The following MYO18A variants were observed in gnomAD, a reference collection of about 807,000 sequenced individuals.
MYO18A encodes unconventional myosin-XVIIIa.
MYO18A carries 78 observed loss-of-function variants against 235.8 expected under a neutral mutation model. The ratio of observed to expected loss-of-function variants is 0.33; its 90% CI spans 0.28 to 0.40. The LOEUF is 0.40. Among genes scored for constraint, MYO18A ranks in the 10% least tolerant of loss-of-function variants. The pLI is 1.00. For synonymous variants in MYO18A, 977 were observed against 1,077.8 expected, an observed-to-expected ratio of 0.91 and a Z score of 1.83; for missense variants, 2,215 against 2,699.3, an observed-to-expected ratio of 0.82 and a Z score of 3.98.
At chr17:29,155,746 C>T (rs1227829778) in intron 2 of MYO18A, among the ~76,000 whole-genome samples, 2 of 152,190 alleles carry the variant, frequency 1.3e-5, no homozygotes, top group African/African-American at 2.4e-5. Context: ...GAATCCGAGG[C>T]GGCTCCCCTC....
At chr17:29,124,966 G>A (rs1426513263) in intron 2 of MYO18A, among the ~76,000 whole-genome samples, 2 of 152,152 alleles carry the variant, frequency 1.3e-5, no homozygotes, top group East Asian at 1.9e-4. Flanking sequence ...CCGGTGGCCC[G>A]GGCAGGAGTC....
intron 2 of MYO18A, among the ~76,000 whole-genome samples, chr17:29,156,357 C>T (rs1210408155): frequency 6.6e-6 from 1 of 152,154 alleles, no homozygotes; most frequent in Non-Finnish European, 1.5e-5. Context: ...CATGTGGGCT[C>T]CTGTGTGGGG....
chr17:29,093,343 G>A lies in MYO18A; in HGVS notation c.4906C>T (p.Leu1636Phe), dbSNP rs2066445981. ...CTGACCTGGTCGCTGAGGGTGGCGA[G>A]CTTGCCCTCCAGCTCCCGCTTCTCT... ...LREKRELEGK[L>F]ATLSDQVNRR... Residue 1636 changes from leucine to phenylalanine, a missense_variant, in exon 32 of 42, where the codon CTC (leucine) becomes TTC (phenylalanine). Leu to Phe is a conservative substitution (Grantham distance 22, BLOSUM62 0). Transcript: ENST00000527372. 2 of 1,612,168 alleles carry A rather than the reference G, an allele frequency of 1.2e-6. No homozygotes were observed. Among genetic ancestry groups the A allele is most frequent in the East Asian group, 4.5e-5 (2 of 44,768 alleles).
intron 12 of MYO18A, 77 bp from the exon 13 acceptor site, chr17:29,115,518 G>GCCCAGT: frequency 6.5e-7 from 1 of 1,529,290 alleles, no homozygotes; most frequent in Non-Finnish European, 8.9e-7. Context: ...CCTGCCCAGG[G>GCCCAGT]CCCAGTCAGC....
chr17:29,143,822 C>T (rs950270659), intron 2 of MYO18A, among the ~76,000 whole-genome samples: 2 of 152,212 alleles, frequency 1.3e-5, no homozygotes, highest in South Asian at 2.1e-4. Flanking sequence ...CTGAAGGGCA[C>T]GCCATCTCCA....
In MYO18A at chr17:29,166,582, C is replaced by T; in HGVS notation, c.359G>A (p.Arg120Gln). The part of the protein sequence containing the change: ...EGSFRGSVLQ[R>Q]AAKFGSLAKQ... Reference sequence around the variant, plus strand: ...GGCCAGTGAGCCGAACTTGGCTGCCCGCTGCAGCACCGAGCCACGGAAGCT... The same window carrying T: ...GGCCAGTGAGCCGAACTTGGCTGCCTGCTGCAGCACCGAGCCACGGAAGCT... The change falls in exon 2 of 42, where the codon CGG becomes CAG. Residue 120 changes from arginine to glutamine, a missense_variant. Coordinates refer to ENST00000527372, the MANE Select transcript of MYO18A (RefSeq NM_078471.4). 8.1e-6 allele frequency: 13 copies of T among 1,613,750 alleles called. No homozygotes were observed. The highest frequency in any genetic ancestry group is 1.0e-5 in the Non-Finnish European group (12 of 1,179,846).
Position 29,165,869 on chromosome 17 carries a change from G to A in MYO18A, c.999+73C>T, listed in dbSNP as rs1598396353. 10 of 1,411,270 alleles carry A rather than the reference G, an allele frequency of 7.1e-6. No homozygotes were observed. The South Asian group carries it at 1.1e-4, about 15-fold the overall frequency. The allele number at this position is 1,411,270 out of a possible 1,614,324, so 87.4% of individuals were successfully genotyped here. A position where few individuals can be genotyped will look rare whatever the true frequency, so the allele number is the denominator to read the frequency against. ...TCTGATAACAGCTCTTGGGTACCCCGATTACCCAGTCAAGCAGGAGGTGCC... is the reference window on the plus strand; with the variant it reads ...TCTGATAACAGCTCTTGGGTACCCCAATTACCCAGTCAAGCAGGAGGTGCC... On this transcript the variant is annotated intron_variant, in intron 2 of 41. Coordinates refer to ENST00000527372, the MANE Select transcript of MYO18A (RefSeq NM_078471.4).
At chr17:29,082,193 C>CG (rs2066138326) in intron 41 of MYO18A, 123 bp downstream of exon 41, 1 of 1,315,724 alleles carries the variant, frequency 7.6e-7, no homozygotes, top group Non-Finnish European at 1.1e-6. Flanking sequence ...GAAGCATGCC[C>CG]GGGCCGCAGT....
At chr17:29,136,235 G>GAAAAAAAAAAAAA (rs1181249964) in intron 2 of MYO18A, among the ~76,000 whole-genome samples, 1 of 105,308 alleles carries the variant, frequency 9.5e-6, no homozygotes, top group African/African-American at 4.3e-5. Flanking sequence ...CATCTCAAAA[G>GAAAAAAAAAAAAA]AAAAAAAAAA....
In MYO18A at chr17:29,120,887, C is replaced by T. The variant is rs12601994; in HGVS notation, c.1585+111G>A. ...GAACTGCCCGTGGACAGAGGGGTTT[C>T]GGGGGGATGGAAAGGCCAGGGAGAA... On this transcript the variant is annotated intron_variant, in intron 6 of 41. Coordinates refer to ENST00000527372, the MANE Select transcript of MYO18A (RefSeq NM_078471.4). The surrounding 1 kb of genome is among the most constrained non-coding windows in gnomAD (Gnocchi z 4.2). 0.17 allele frequency: 259,012 copies of T among 1,557,132 alleles called. 25,976 individuals carry two copies. Among genetic ancestry groups the T allele is most frequent in the East Asian group, 0.53 (23,379 of 44,182 alleles).
Position 29,096,884 on chromosome 17 carries a change from C to T in MYO18A, c.4262G>A (p.Ser1421Asn), listed in dbSNP as rs1364822746. 1 of 1,578,348 alleles carries T rather than the reference C, an allele frequency of 6.3e-7. No homozygotes were observed. ...CTTGAGCTGCTGCAGAGCCCGCTGA[C>T]TCTCCTCACTATCTGCCTGCAGGTC... The part of the protein sequence containing the change: ...LGDLQADSEE[S>N]QRALQQLKKK... Residue 1421 changes from serine (S) to asparagine (N), a missense_variant, in exon 28 of 42, where the codon AGT becomes AAT. Ser to Asn is a conservative substitution (Grantham distance 46). Coordinates refer to ENST00000527372, the MANE Select transcript of MYO18A (RefSeq NM_078471.4).
intron 41 of MYO18A, chr17:29,080,016 G>A: frequency 4.1e-6 from 4 of 986,094 alleles, no homozygotes; most frequent in Non-Finnish European, 3.6e-6. Flanking sequence ...AGGAAGCTTC[G>A]GAGCCGGAGC....
At chr17:29,090,745 C>T in intron 35 of MYO18A, 65 bp downstream of exon 35, 1 of 1,541,920 alleles carries the variant, frequency 6.5e-7, no homozygotes. Flanking sequence ...GTGCGGGGGA[C>T]CCATGAGGAG....
chr17:29,174,509 TAAAAAAAATA>T (rs2068477751), intron 1 of MYO18A, among the ~76,000 whole-genome samples: 1 of 150,012 alleles, frequency 6.7e-6, no homozygotes, highest in Non-Finnish European at 1.5e-5. Context: ...TCTCAAAAAA[TAAAAAAAATA>T]AAAAAAAATA....
chr17:29,140,483 C>T lies in MYO18A; in HGVS notation c.1000-18230G>A. ...CCGGCCCCTCCCGTCCCGAGCTGCC[C>T]AGCCCTAGTTGGAGCCAGCAGCCCG... On this transcript the variant is annotated intron_variant, in intron 2 of 41. Coordinates refer to ENST00000527372, the MANE Select transcript of MYO18A (RefSeq NM_078471.4). The surrounding 1 kb of genome is among the most constrained non-coding windows in gnomAD (Gnocchi z 4.2). The T allele has an allele frequency of 8.5e-7, 1 of 1,170,500 alleles. No homozygotes were observed. Among genetic ancestry groups the T allele is most frequent in the African/African-American group, 1.6e-5 (1 of 62,022 alleles). The allele number at this position is 1,170,500 out of a possible 1,614,324, so 72.5% of individuals were successfully genotyped here. A position where few individuals can be genotyped will look rare whatever the true frequency, so the allele number is the denominator to read the frequency against.
chr17:29,074,988 A>T lies in MYO18A; in HGVS notation c.6021-74T>A. 1.9e-6 allele frequency: 3 copies of T among 1,573,622 alleles called. No individual in the cohort carries two copies. The highest frequency in any genetic ancestry group is 1.7e-6 in the Non-Finnish European group (2 of 1,151,036). Reference sequence around the variant, plus strand: ...TAAGCACGCACGCCTTTGGTTCTGGAGGCCCACAAAGCTGCGTCAGAGCAC... The same window carrying T: ...TAAGCACGCACGCCTTTGGTTCTGGTGGCCCACAAAGCTGCGTCAGAGCAC... On this transcript the variant is annotated intron_variant, in intron 41 of 41. Transcript: ENST00000527372. This position sits in a 1 kb window ranked among gnomAD's most constrained non-coding sequence, Gnocchi z 4.4.
intron 41 of MYO18A, chr17:29,076,486 G>C (rs2065982928): frequency 6.6e-6 from 1 of 152,212 alleles, no homozygotes. Context: ...AAATGGTTCA[G>C]GAATGGGGCA....
rs1346238032 is a variant in MYO18A at position 29,086,898 on chromosome 17, G to GCTGC, written c.5712+34_5712+37dup. The stretch of plus-strand genomic sequence containing the variant: ...CATACACTCAGCAGCTACTCAAGGG[G>GCTGC]CTGCCATGTGGGCCCCGTGGGGGAC... On this transcript the variant is annotated intron_variant, in intron 38 of 41. Transcript: ENST00000527372. The GCTGC allele has an allele frequency of 1.9e-6, 3 of 1,582,320 alleles. No individual in the cohort carries two copies. The South Asian group carries it at 3.5e-5, about 18-fold the overall frequency.
chr17:29,085,243 T>C (rs191838476), intron 40 of MYO18A, among the ~76,000 whole-genome samples: 51 of 152,176 alleles, frequency 3.4e-4, no homozygotes, highest in African/African-American at 1.1e-3. Flanking sequence ...AACAGACTTT[T>C]CCCCCCAGAG....
Sources: gnomAD v4.1 joint callset for allele counts (sites outside exome capture counted in the v4.1 genomes callset) on GRCh38, gnomAD v4.1.1 for gene constraint, Gnocchi (gnomAD v3.1) non-coding constraint, MANE v1.5 for transcripts, NCBI Gene and HGNC (gene_info 2026-07-23, HGNC 2026-07-21) for gene names.